DAGLA: variants seen among roughly 807,000 people sequenced by gnomAD.
DAGLA encodes diacylglycerol lipase-alpha.
A neutral mutation model predicts 102.6 loss-of-function variants in DAGLA; 22 were observed. The ratio of observed to expected loss-of-function variants is 0.21; its 90% CI spans 0.15 to 0.31. The LOEUF (loss-of-function observed/expected upper bound fraction) is 0.31, where lower values mean the gene tolerates loss of function less well. Among genes scored for constraint, DAGLA ranks in the 10% least tolerant of loss-of-function variants. The pLI, the probability that DAGLA is intolerant of heterozygous loss-of-function variation, is 1.00. For synonymous variants in DAGLA, 578 were observed against 628.9 expected (o/e 0.92, Z 1.21); for missense variants, 927 against 1,446.6 (o/e 0.64, Z 5.83).
Position 61,731,182 on chromosome 11 carries a change from C to T in DAGLA, c.850-135C>T, listed in dbSNP as rs963422450. On this transcript the variant is annotated intron_variant, in intron 8 of 19. Transcript: ENST00000257215. ...TCCTTCCTCCAAGGCCTGGGCCCCA[C>T]ACCTCAACAGGGGACCAGCAACCCC... 1.6e-5 allele frequency: 16 copies of T among 1,024,888 alleles called. No individual in the cohort carries two copies. The African/African-American group carries it at 1.8e-4, about 11-fold the overall frequency. The allele number at this position is 1,024,888 out of a possible 1,614,324, so 63.5% of individuals were successfully genotyped here.
Position 61,741,343 on chromosome 11 carries a change from G to T in DAGLA, c.2165G>T (p.Ser722Ile), listed in dbSNP as rs767678750. 28 of 1,606,110 alleles carry T rather than the reference G, an allele frequency of 1.7e-5. No homozygotes were observed. Among genetic ancestry groups the T allele is most frequent in the Middle Eastern group, 1.9e-4 (1 of 5,256 alleles). Residue 722 changes from serine (S) to isoleucine (I), a missense_variant, in exon 19 of 20, where the codon AGC becomes ATC. By Grantham distance (142) the Ser-to-Ile change is moderately radical. Transcript: ENST00000257215. ...ELPTADHRNS[S>I]VRSKSQSEMS... ...CCGACTGCAGACCACCGCAACAGCA[G>T]CGTCAGGTGAGCCTTGGCCACTCCC...
intron 19 of DAGLA, among the ~76,000 whole-genome samples, chr11:61,742,226 A>G (rs1416349157): frequency 6.6e-6 from 1 of 152,196 alleles, no homozygotes; most frequent in African/African-American, 2.4e-5. Flanking sequence ...AGAGGCGTGC[A>G]CACATGCTCA....
At chr11:61,743,482 C>A (rs749003289) in intron 19 of DAGLA, 50 bp from the exon 20 acceptor site, 40 of 1,436,374 alleles carry the variant, frequency 2.8e-5, no homozygotes, top group Non-Finnish European at 3.2e-5. Context: ...GGGGTTCAGT[C>A]CCCTCTCCCT....
At chr11:61,690,303 A>G (rs1272610101) in intron 1 of DAGLA, among the ~76,000 whole-genome samples, 1 of 152,086 alleles carries the variant, frequency 6.6e-6, no homozygotes, top group Non-Finnish European at 1.5e-5. Context: ...GTAGTCTCCC[A>G]TCTCCCCATT....
rs1378706072 is a variant in DAGLA at position 61,734,035 on chromosome 11, A to G, written c.975-814A>G. ...GGTGGGGTAGACAGGGCGTTGCTGT[A>G]GGGTCTTAAAAAGAAAATGATGTGG... On this transcript the variant is annotated intron_variant, in intron 9 of 19. Transcript: ENST00000257215. The surrounding 1 kb of genome is among the most constrained non-coding windows in gnomAD (Gnocchi z 4.2). 1.3e-5 allele frequency among the ~76,000 whole-genome samples: 2 copies of G among 152,038 alleles called. No homozygotes were observed. The highest frequency in any genetic ancestry group is 1.5e-5 in the Non-Finnish European group (1 of 67,978).
In DAGLA at chr11:61,744,327, G is replaced by A. The variant is rs201466580; in HGVS notation, c.2967G>A (p.Ser989=). ...ACCCCTCCTCGGGCATCTCACTCTCGCCCTCCTTCCCGCTCAGCTCCTCGG... is the reference window on the plus strand; with the variant it reads ...ACCCCTCCTCGGGCATCTCACTCTCACCCTCCTTCCCGCTCAGCTCCTCGG... ...SADPSSGISL[S]PSFPLSSSGE... Residue 989 remains serine (S), a synonymous_variant, in exon 20 of 20, where the codon TCG becomes TCA. Coordinates refer to ENST00000257215, the MANE Select transcript of DAGLA (RefSeq NM_006133.3). 8.5e-5 allele frequency: 137 copies of A among 1,612,460 alleles called. No homozygotes were observed. Among genetic ancestry groups the A allele is most frequent in the Non-Finnish European group, 1.0e-4 (122 of 1,179,670 alleles).
At position 61,720,258 on chromosome 11, in the gene DAGLA, C is replaced by T. The variant is rs747029215; in HGVS notation, c.95+8C>T. 9 of 1,612,238 alleles carry T rather than the reference C, an allele frequency of 5.6e-6. No homozygotes were observed. The highest frequency in any genetic ancestry group is 1.7e-5 in the Admixed American group (1 of 60,020). On this transcript the variant is annotated splice_region_variant and intron_variant, in intron 2 of 19. Coordinates refer to ENST00000257215, the MANE Select transcript of DAGLA (RefSeq NM_006133.3). ...TCTCCTGCATACCACCTGGTGAGTC[C>T]CCAGGCCCGGGGCCACAGGCCTGGG...
At chr11:61,740,317 A>C in intron 17 of DAGLA, 146 bp from the exon 18 acceptor site, 2 of 1,052,500 alleles carry the variant, frequency 1.9e-6, no homozygotes, top group Non-Finnish European at 2.7e-6. Context: ...AGGCCAGGGA[A>C]CAGAGCCCTG....
intron 5 of DAGLA, among the ~76,000 whole-genome samples, chr11:61,723,863 G>T (rs1270861281): frequency 6.6e-6 from 1 of 152,252 alleles, no homozygotes; most frequent in Non-Finnish European, 1.5e-5. Context: ...AATAGTAGTT[G>T]TTGTCATCAT....
chr11:61,692,379 T>C (rs1023861497), intron 1 of DAGLA, among the ~76,000 whole-genome samples: 7 of 151,922 alleles, frequency 4.6e-5, no homozygotes, highest in South Asian at 2.1e-4. Flanking sequence ...TGAGTGTAGA[T>C]TGGTTAACTC....
chr11:61,740,172 GAC>G (rs1304667436), intron 17 of DAGLA, among the ~76,000 whole-genome samples: 3 of 152,226 alleles, frequency 2.0e-5, no homozygotes, highest in Non-Finnish European at 2.9e-5. Flanking sequence ...TTCCTCCCCT[GAC>G]ACAGCTGGTG....
Position 61,723,534 on chromosome 11 carries a change from C to A in DAGLA, c.510C>A (p.Thr170=). The A allele has an allele frequency of 1.2e-6, 2 of 1,614,074 alleles. No homozygotes were observed. The highest frequency in any genetic ancestry group is 1.7e-6 in the Non-Finnish European group (2 of 1,180,004). The change falls in exon 5 of 20, where the codon ACC becomes ACA. Residue 170 remains threonine (T), a synonymous_variant. Transcript: ENST00000257215. Reference sequence around the variant, plus strand: ...GCACCTTTGTCAAGCTGAGAGCCACCAAGAGGAGGCAGCGTAACCTGCGGA... The same window carrying A: ...GCACCTTTGTCAAGCTGAGAGCCACAAAGAGGAGGCAGCGTAACCTGCGGA... The part of the protein sequence containing the change: ...TGRTFVKLRA[T]KRRQRNLRTY...
intron 8 of DAGLA, among the ~76,000 whole-genome samples, chr11:61,730,920 G>A (rs911944365): frequency 6.6e-6 from 1 of 152,224 alleles, no homozygotes; most frequent in African/African-American, 2.4e-5. Flanking sequence ...GCCTCTCAGG[G>A]CTACATTTTC....
chr11:61,684,774 G>A lies in DAGLA; in HGVS notation c.-45+4270G>A, dbSNP rs924555694. 1.3e-5 allele frequency among the ~76,000 whole-genome samples: 2 copies of A among 151,768 alleles called. No homozygotes were observed. Among genetic ancestry groups the A allele is most frequent in the African/African-American group, 4.8e-5 (2 of 41,240 alleles). On this transcript the variant is annotated intron_variant, in intron 1 of 19. Coordinates refer to ENST00000257215, the MANE Select transcript of DAGLA (RefSeq NM_006133.3). This position sits in a 1 kb window ranked among gnomAD's most constrained non-coding sequence, Gnocchi z 4.5. ...GTGGAGCGCCTGGTGGTGTGGGAGC[G>A]CGCAGGCTCCCGTGTCTGGCTGGCC... is the stretch of plus-strand genomic sequence containing the variant.
chr11:61,739,407 G>GC (rs2039672703), intron 16 of DAGLA, 58 bp from the exon 17 acceptor site: 1 of 1,405,658 alleles, frequency 7.1e-7, no homozygotes. Flanking sequence ...CCCTGCCCCT[G>GC]CCCCCCAGCC....
At chr11:61,712,671 G>A (rs1242505133) in intron 1 of DAGLA, among the ~76,000 whole-genome samples, 1 of 152,102 alleles carries the variant, frequency 6.6e-6, no homozygotes, top group Non-Finnish European at 1.5e-5. Flanking sequence ...GGCTGGTGGC[G>A]CACGTGGCCC....
intron 18 of DAGLA, 149 bp downstream of exon 18, chr11:61,740,741 C>G (rs1056838299): frequency 2.8e-5 from 29 of 1,044,112 alleles, no homozygotes; most frequent in Admixed American, 1.2e-4. Context: ...AAGCCCCACT[C>G]AAATACTTCA....
Position 61,680,438 on chromosome 11 carries a change from G to T in DAGLA, c.-111G>T, listed in dbSNP as rs539362792. On this transcript the variant is annotated 5_prime_UTR_variant, in exon 1 of 20. Transcript: ENST00000257215. The stretch of plus-strand genomic sequence containing the variant: ...TGCGGAAGCGGCGTTAGTGAATCGG[G>T]GCCTTGGGGAGCCCAGGATGGAGGT... 6 of 152,180 alleles carry T rather than the reference G, an allele frequency of 3.9e-5. No individual in the cohort carries two copies. Among genetic ancestry groups the T allele is most frequent in the Admixed American group, 3.3e-4 (5 of 15,220 alleles). The allele number at this position is 152,180 out of a possible 1,614,324, so 9.4% of individuals were successfully genotyped here.
chr11:61,681,881 A>C (rs2064945328), intron 1 of DAGLA, among the ~76,000 whole-genome samples: 1 of 152,132 alleles, frequency 6.6e-6, no homozygotes, highest in Non-Finnish European at 1.5e-5. Flanking sequence ...CTTTACAGAG[A>C]AGCAATTTGC....
Sources: gnomAD v4.1 joint callset for allele counts (sites outside exome capture counted in the v4.1 genomes callset) on GRCh38, gnomAD v4.1.1 for gene constraint, Gnocchi (gnomAD v3.1) non-coding constraint, MANE v1.5 for transcripts, NCBI Gene and HGNC (gene_info 2026-07-23, HGNC 2026-07-21) for gene names.